Variants in ITPR3 observed in about 807,000 individuals in gnomAD.
The protein encoded by ITPR3 is inositol 1,4,5-trisphosphate-gated calcium channel ITPR3.
In ITPR3, 173 loss-of-function variants were observed where a neutral mutation model predicts 293.2. The observed-to-expected ratio is 0.59, with a 90% CI of 0.52 to 0.67. The LOEUF (loss-of-function observed/expected upper bound fraction) is 0.67, where lower values mean the gene tolerates loss of function less well. Ranked by LOEUF, ITPR3 falls within the 30% of genes least tolerant of loss-of-function variation. The pLI, the probability that ITPR3 is intolerant of heterozygous loss-of-function variation, is 0.00. For synonymous variants in ITPR3, 1,295 were observed against 1,444.4 expected, an observed-to-expected ratio of 0.90 and a Z score of 2.35; for missense variants, 2,796 against 3,592.1, an observed-to-expected ratio of 0.78 and a Z score of 5.66.
Position 33,679,754 on chromosome 6 carries a change from G to T in ITPR3, c.3973-128G>T. 6 of 1,224,318 alleles carry T rather than the reference G, an allele frequency of 4.9e-6. No homozygotes were observed. Among genetic ancestry groups the T allele is most frequent in the Non-Finnish European group, 6.7e-6 (6 of 899,930 alleles). 75.8% of individuals were successfully genotyped at this position (1,224,318 alleles called of 1,614,324 possible). ...GGGAACCCCCAAATCCCAGCCAGGG[G>T]AGGGTTTTCCTGATTTCAGGTAAGG... On this transcript the variant is annotated intron_variant, in intron 30 of 57. Coordinates refer to ENST00000605930, the MANE Select transcript of ITPR3 (RefSeq NM_002224.4). The surrounding 1 kb of genome is among the most constrained non-coding windows in gnomAD (Gnocchi z 4.2).
At chr6:33,631,804 G>A (rs1763685486) in intron 1 of ITPR3, among the ~76,000 whole-genome samples, 1 of 152,152 alleles carries the variant, frequency 6.6e-6, no homozygotes, top group African/African-American at 2.4e-5. Flanking sequence ...CTTGACCAAG[G>A]AGCCCTCAAG....
intron 28 of ITPR3, 69 bp from the exon 29 acceptor site, chr6:33,678,352 A>G (rs1764967225): frequency 4.4e-6 from 7 of 1,586,238 alleles, no homozygotes; most frequent in Non-Finnish European, 6.0e-6. Flanking sequence ...TGCTCCTGTC[A>G]GAGCTCAGCC....
Position 33,664,471 on chromosome 6 carries a change from T to C in ITPR3, c.1149-399T>C, listed in dbSNP as rs979199776. Among the ~76,000 whole-genome samples, 2 of 152,242 alleles carry C rather than the reference T, an allele frequency of 1.3e-5. No individual in the cohort carries two copies. Among genetic ancestry groups the C allele is most frequent in the East Asian group, 1.9e-4 (1 of 5,198 alleles). ...TTCATTTTAGAAAGGTAAACTTGCA[T>C]TTTGTAATCATAGACATTGAGTATT... is the stretch of plus-strand genomic sequence containing the variant. On this transcript the variant is annotated intron_variant, in intron 11 of 57. Coordinates refer to ENST00000605930, the MANE Select transcript of ITPR3 (RefSeq NM_002224.4). This position sits in a 1 kb window ranked among gnomAD's most constrained non-coding sequence, Gnocchi z 4.4.
At position 33,661,992 on chromosome 6, in the gene ITPR3, GA is replaced by G. The variant is rs55958712; in HGVS notation, c.712-511del. 3.0e-3 allele frequency among the ~76,000 whole-genome samples: 140 copies of G among 47,174 alleles called. 1 individual carries two copies. The highest frequency in any genetic ancestry group is 0.013 in the East Asian group (13 of 1,012). The allele number at this position is 47,174 out of a possible 152,430, so 30.9% of individuals were successfully genotyped here. On this transcript the variant is annotated intron_variant, in intron 7 of 57. Coordinates refer to ENST00000605930, the MANE Select transcript of ITPR3 (RefSeq NM_002224.4). ...CCTGGGCAACAGAGTGACTGTCTCT[GA>G]AAAAAAAAAAAAAAAAAAAAAAAAG...
chr6:33,683,928 T>C lies in ITPR3; in HGVS notation c.4789-92T>C. 2 of 1,427,900 alleles carry C rather than the reference T, an allele frequency of 1.4e-6. No individual in the cohort carries two copies. Among genetic ancestry groups the C allele is most frequent in the Admixed American group, 1.9e-5 (1 of 51,434 alleles). 88.5% of individuals were successfully genotyped at this position (1,427,900 alleles called of 1,614,324 possible). A position where few individuals can be genotyped will look rare whatever the true frequency, so the allele number is the denominator to read the frequency against. On this transcript the variant is annotated intron_variant, in intron 35 of 57. Coordinates refer to ENST00000605930, the MANE Select transcript of ITPR3 (RefSeq NM_002224.4). This position sits in a 1 kb window ranked among gnomAD's most constrained non-coding sequence, Gnocchi z 4.5. The stretch of plus-strand genomic sequence containing the variant: ...CCCCTCAGACAGAGGCAGGGCAATC[T>C]GTGGGGCTGTTTGGCGTTTGGGTCG...
chr6:33,694,763 C>T, intron 56 of ITPR3, 161 bp from the exon 57 acceptor site: 1 of 871,230 alleles, frequency 1.1e-6, no homozygotes, highest in Non-Finnish European at 1.8e-6. Flanking sequence ...CACTCTGGCC[C>T]CGGGGAGGAC....
In ITPR3 at chr6:33,670,519, C is replaced by T. The variant is rs770254420; in HGVS notation, c.2384C>T (p.Thr795Met). ...HVDRDPQELV[T>M]PVKFARLWTE... Reference sequence around the variant, plus strand: ...GACCGTGACCCCCAGGAGCTGGTCACGCCGGTCAAGTTTGCCCGTCTCTGG... The same window carrying T: ...GACCGTGACCCCCAGGAGCTGGTCATGCCGGTCAAGTTTGCCCGTCTCTGG... The change falls in exon 19 of 58, where the codon ACG becomes ATG. Residue 795 changes from threonine (T) to methionine (M), a missense_variant. Thr to Met is a moderately conservative substitution (Grantham distance 81). Around this residue, in one of 8 missense-constraint regions of ITPR3, gnomAD observed 955 missense variants for 1,180.8 expected, o/e 0.81. Transcript: ENST00000605930. This position sits in a 1 kb window ranked among gnomAD's most constrained non-coding sequence, Gnocchi z 6.7. The T allele has an allele frequency of 1.1e-5, 18 of 1,613,590 alleles. No homozygotes were observed. The highest frequency in any genetic ancestry group is 1.1e-4 in the South Asian group (10 of 91,068).
chr6:33,655,862 A>C lies in ITPR3; in HGVS notation c.257A>C (p.Asp86Ala). ...AAGCAGGACAAGGAGAAGATCGCTG[A>C]TGTGGTGTTGCTGCAGAAGCTGCAG... Reference protein sequence around the residue: ...QTKQDKEKIADVVLLQKLQHA... With the variant: ...QTKQDKEKIAAVVLLQKLQHA... The change falls in exon 3 of 58, where the codon GAT (aspartate) becomes GCT (alanine). Residue 86 changes from aspartate (D) to alanine (A), a missense_variant. By Grantham distance (126) the Asp-to-Ala change is moderately radical (BLOSUM62 -2). Transcript: ENST00000605930. The surrounding 1 kb of genome is among the most constrained non-coding windows in gnomAD (Gnocchi z 4.9). The C allele has an allele frequency of 6.2e-7, 1 of 1,614,032 alleles. No individual in the cohort carries two copies. The highest frequency in any genetic ancestry group is 1.3e-5 in the African/African-American group (1 of 75,012).
intron 2 of ITPR3, among the ~76,000 whole-genome samples, chr6:33,647,257 C>T (rs1764090377): frequency 6.6e-6 from 1 of 152,098 alleles, no homozygotes; most frequent in South Asian, 2.1e-4. Flanking sequence ...AACTCTTGGA[C>T]TCAAGCAATC....
In ITPR3 at chr6:33,672,063, G is replaced by T; in HGVS notation, c.2763G>T (p.Gly921=). The T allele has an allele frequency of 6.2e-7, 1 of 1,612,494 alleles. No homozygotes were observed. The highest frequency in any genetic ancestry group is 8.5e-7 in the Non-Finnish European group (1 of 1,179,100). The part of the protein sequence containing the change: ...KNVRRSIQGV[G]HMMSTMVLSR... ...TGCGGCGGTCCATCCAGGGCGTGGG[G>T]CACATGATGTCCACCATGGTGCTGA... Residue 921 remains glycine, a synonymous_variant, in exon 22 of 58, where the codon GGG becomes GGT. Transcript: ENST00000605930. This position sits in a 1 kb window ranked among gnomAD's most constrained non-coding sequence, Gnocchi z 5.0.
chr6:33,644,040 A>G (rs1435742546), intron 2 of ITPR3, among the ~76,000 whole-genome samples: 2 of 152,196 alleles, frequency 1.3e-5, no homozygotes, highest in Non-Finnish European at 2.9e-5. Context: ...GAACACAAAA[A>G]TTAGCCGGGC....
intron 1 of ITPR3, among the ~76,000 whole-genome samples, chr6:33,629,323 A>G (rs973268856): frequency 6.6e-6 from 1 of 152,124 alleles, no homozygotes; most frequent in African/African-American, 2.4e-5. Flanking sequence ...TCAGGGCCCA[A>G]TCCATAGTCA....
rs747428628 is a variant in ITPR3, at chr6:33,695,127, C to T, written c.7947+42C>T. On this transcript the variant is annotated intron_variant, in intron 57 of 57. Transcript: ENST00000605930. Reference sequence around the variant, plus strand: ...ATCCCAGGCCCACCCTGGGTTCTATCCCTGGGCAGTCCCTGCCTGCCTTCA... The same window carrying T: ...ATCCCAGGCCCACCCTGGGTTCTATTCCTGGGCAGTCCCTGCCTGCCTTCA... 10 of 1,603,074 alleles carry T rather than the reference C, an allele frequency of 6.2e-6. No homozygotes were observed. The South Asian group carries it at 9.9e-5, about 16-fold the overall frequency.
intron 2 of ITPR3, among the ~76,000 whole-genome samples, chr6:33,649,652 G>A (rs1764144333): frequency 6.6e-6 from 1 of 152,232 alleles, no homozygotes; most frequent in African/African-American, 2.4e-5. Context: ...GCAGATGCAG[G>A]CATTATTTCT....
chr6:33,694,118 A>G (rs985851921), intron 56 of ITPR3, among the ~76,000 whole-genome samples: 1 of 152,116 alleles, frequency 6.6e-6, no homozygotes, highest in Non-Finnish European at 1.5e-5. Context: ...GGCCGCTCTC[A>G]GGGAGTGTTT....
intron 57 of ITPR3, 98 bp from the exon 58 acceptor site, chr6:33,695,614 C>T (rs1765522440): frequency 1.6e-6 from 2 of 1,218,066 alleles, no homozygotes; most frequent in Non-Finnish European, 2.4e-6. Context: ...AGCAGCTGGG[C>T]CCACAGGGGA....
Position 33,672,298 on chromosome 6 carries a change from C to A in ITPR3, c.2928+70C>A. ...GGGTAATGGGGCGGGTACAGGGAGGCTGGGCAGGGCGAACCCCTTCAGATC... is the reference window on the plus strand; with the variant it reads ...GGGTAATGGGGCGGGTACAGGGAGGATGGGCAGGGCGAACCCCTTCAGATC... On this transcript the variant is annotated intron_variant, in intron 22 of 57. Transcript: ENST00000605930. The surrounding 1 kb of genome is among the most constrained non-coding windows in gnomAD (Gnocchi z 5.0). 3 of 1,384,308 alleles carry A rather than the reference C, an allele frequency of 2.2e-6. No individual in the cohort carries two copies. The highest frequency in any genetic ancestry group is 3.0e-6 in the Non-Finnish European group (3 of 986,044). The allele number at this position is 1,384,308 out of a possible 1,614,324, so 85.8% of individuals were successfully genotyped here. A position where few individuals can be genotyped will look rare whatever the true frequency, so the allele number is the denominator to read the frequency against.
At position 33,686,101 on chromosome 6, in the gene ITPR3, G is replaced by C. The variant is rs778763046; in HGVS notation, c.5716G>C (p.Glu1906Gln). ...NNKTNYNLVC[E>Q]TLQFLDIMCG... ...CAAAACCAACTACAACTTGGTATGC[G>C]AGACGCTGCAGTTCCTGGACATCAT... Residue 1906 changes from glutamate (E) to glutamine (Q), a missense_variant, in exon 42 of 58, where the codon GAG (glutamate) becomes CAG (glutamine). Glu to Gln is a conservative substitution (Grantham distance 29). Around this residue, in one of 8 missense-constraint regions of ITPR3, gnomAD observed 704 missense variants for 797.5 expected, o/e 0.88. Coordinates refer to ENST00000605930, the MANE Select transcript of ITPR3 (RefSeq NM_002224.4). The C allele has an allele frequency of 2.4e-5, 38 of 1,614,068 alleles. No individual in the cohort carries two copies. The highest frequency in any genetic ancestry group is 3.0e-5 in the Non-Finnish European group (35 of 1,180,052).
Position 33,684,187 on chromosome 6 carries a change from CA to C in ITPR3, c.4937+20del. 3.1e-6 allele frequency: 5 copies of C among 1,608,322 alleles called. No individual in the cohort carries two copies. The highest frequency in any genetic ancestry group is 4.2e-6 in the Non-Finnish European group (5 of 1,178,970). On this transcript the variant is annotated intron_variant, in intron 36 of 57. Transcript: ENST00000605930. The surrounding 1 kb of genome is among the most constrained non-coding windows in gnomAD (Gnocchi z 4.2). Reference sequence around the variant, plus strand: ...TGTCCAAGTGAGCGAGACACTGGGGCATGGGGGCAGCAGGGGTGCAGCGGCA... The same window carrying C: ...TGTCCAAGTGAGCGAGACACTGGGGCTGGGGGCAGCAGGGGTGCAGCGGCA...
Sources: allele counts gnomAD v4.1 joint callset (sites outside exome capture counted in the v4.1 genomes callset), GRCh38; gene constraint gnomAD v4.1.1; regional missense constraint gnomAD v4.1.1; non-coding constraint Gnocchi (gnomAD v3.1); transcripts MANE v1.5; gene names NCBI Gene and HGNC (gene_info 2026-07-23, HGNC 2026-07-21).